Variants in COG5 observed in about 807,000 individuals in gnomAD.
COG5 encodes component of oligomeric golgi complex 5, also known as conserved oligomeric Golgi complex subunit 5.
COG5 carries 86 observed loss-of-function variants against 110.4 expected under a neutral mutation model. That is an observed-to-expected ratio of 0.78 (90% CI 0.65 to 0.93). The LOEUF (loss-of-function observed/expected upper bound fraction) is 0.93. COG5 is among the 40% of genes least tolerant of loss of function. The pLI is 0.00. For missense variants in COG5, 1,077 were observed against 987.0 expected (o/e 1.09, Z -1.22); for synonymous variants, 360 against 334.6 (o/e 1.08, Z -0.83).
At position 107,416,005 on chromosome 7, in the gene COG5, C is replaced by T. The variant is rs558457030; in HGVS notation, c.539-3373G>A. 9.8e-3 allele frequency among the ~76,000 whole-genome samples: 1,041 copies of T among 106,272 alleles called. 335 individuals are homozygous for T. Among genetic ancestry groups the T allele is most frequent in the Non-Finnish European group, 0.018 (739 of 40,984 alleles). The allele number at this position is 106,272 out of a possible 152,430, so 69.7% of individuals were successfully genotyped here. On this transcript the variant is annotated intron_variant, in intron 6 of 21. Transcript: ENST00000297135. ...ATGTATATATGTGTGTATATATACA[C>T]ACACATACACGTATGTATATATGTG...
At chr7:107,482,173 G>A (rs539742215) in intron 6 of COG5, among the ~76,000 whole-genome samples, 14 of 150,836 alleles carry the variant, frequency 9.3e-5, no homozygotes, top group African/African-American at 1.7e-4. Context: ...ACAGGGACTC[G>A]CTCTCTCACC....
At chr7:107,504,009 T>C (rs1329875570) in intron 6 of COG5, among the ~76,000 whole-genome samples, 1 of 152,146 alleles carries the variant, frequency 6.6e-6, no homozygotes, top group Non-Finnish European at 1.5e-5. Context: ...TTGCTCTGAC[T>C]AGGACTAGGA....
chr7:107,205,584 A>G (rs1008817157), intron 21 of COG5, among the ~76,000 whole-genome samples: 2 of 152,242 alleles, frequency 1.3e-5, no homozygotes, highest in African/African-American at 2.4e-5. Flanking sequence ...GGGCCTGTTT[A>G]TCTTTGGCCA....
At chr7:107,258,734 T>G (rs1803084195) in intron 14 of COG5, 1 of 199,606 alleles carries the variant, frequency 5.0e-6, no homozygotes, top group Admixed American at 5.6e-5. Flanking sequence ...AACATAGTAA[T>G]CCTAAGGAAT....
intron 6 of COG5, among the ~76,000 whole-genome samples, chr7:107,469,850 C>T (rs1796526696): frequency 6.6e-6 from 1 of 151,914 alleles, no homozygotes; most frequent in Non-Finnish European, 1.5e-5. Flanking sequence ...TTTTAAAATA[C>T]TAATTTACAC....
At chr7:107,209,636 C>CAA (rs200207817) in intron 21 of COG5, 6 of 180,500 alleles carry the variant, frequency 3.3e-5, no homozygotes, top group Non-Finnish European at 5.3e-5. Context: ...AAATGACACA[C>CAA]AAAAAAAAAT....
At chr7:107,492,204 T>TGTGTGTGTGTGTGTGTG (rs1563064575) in intron 6 of COG5, among the ~76,000 whole-genome samples, 7 of 150,620 alleles carry the variant, frequency 4.6e-5, no homozygotes, top group Non-Finnish European at 8.9e-5. Flanking sequence ...TGTGTGTGTG[T>TGTGTGTGTGTGTGTGTG]AGTTTATTTT....
intron 14 of COG5, among the ~76,000 whole-genome samples, chr7:107,268,071 C>T (rs1480013473): frequency 6.6e-6 from 1 of 152,064 alleles, no homozygotes; most frequent in East Asian, 1.9e-4. Context: ...CAGGTTCAAG[C>T]GATTCTCCTG....
chr7:107,313,396 A>G (rs1808451438), intron 11 of COG5, among the ~76,000 whole-genome samples: 1 of 152,210 alleles, frequency 6.6e-6, no homozygotes, highest in African/African-American at 2.4e-5. Flanking sequence ...TGGAAAAACT[A>G]GAACTCTCAT....
chr7:107,490,848 G>A (rs1335179160), intron 6 of COG5, among the ~76,000 whole-genome samples: 1 of 152,006 alleles, frequency 6.6e-6, no homozygotes, highest in Admixed American at 6.6e-5. Flanking sequence ...AATAGTTTAT[G>A]GCATCACTTT....
chr7:107,298,795 C>T (rs902006030), intron 11 of COG5, among the ~76,000 whole-genome samples: 3 of 152,072 alleles, frequency 2.0e-5, no homozygotes, highest in Non-Finnish European at 2.9e-5. Flanking sequence ...TCCATTAAAC[C>T]GGTCTCAATA....
At chr7:107,305,106 T>C (rs943503680) in intron 11 of COG5, among the ~76,000 whole-genome samples, 6 of 152,294 alleles carry the variant, frequency 3.9e-5, no homozygotes, top group East Asian at 3.9e-4. Context: ...TGGGAGGACC[T>C]CTCTGAATGA....
At chr7:107,504,784 C>A (rs576499547) in intron 6 of COG5, among the ~76,000 whole-genome samples, 10 of 152,230 alleles carry the variant, frequency 6.6e-5, no homozygotes, top group African/African-American at 2.4e-4. Context: ...AGTTGATATG[C>A]ATAGGGGTGT....
At chr7:107,245,450 T>C (rs546234868) in intron 17 of COG5, among the ~76,000 whole-genome samples, 1 of 152,292 alleles carries the variant, frequency 6.6e-6, no homozygotes, top group African/African-American at 2.4e-5. Context: ...GACATGATTC[T>C]ATATCTAGAA....
intron 6 of COG5, among the ~76,000 whole-genome samples, chr7:107,446,846 C>T (rs1343707297): frequency 6.6e-6 from 1 of 152,200 alleles, no homozygotes; most frequent in Non-Finnish European, 1.5e-5. Flanking sequence ...TTCTGGATTC[C>T]CACCCCTTTG....
At chr7:107,394,295 T>TAAA (rs201411444) in intron 7 of COG5, among the ~76,000 whole-genome samples, 1 of 139,848 alleles carries the variant, frequency 7.2e-6, no homozygotes, top group African/African-American at 2.6e-5. Flanking sequence ...AAAAGATACT[T>TAAA]AAAAAAAAAA....
At chr7:107,542,488 A>G (rs1357361919) in intron 5 of COG5, among the ~76,000 whole-genome samples, 1 of 152,118 alleles carries the variant, frequency 6.6e-6, no homozygotes, top group Non-Finnish European at 1.5e-5. Context: ...AAAATCAGAA[A>G]CCCTATAACC....
intron 10 of COG5, among the ~76,000 whole-genome samples, chr7:107,349,547 C>A (rs759930207): frequency 6.7e-6 from 1 of 149,112 alleles, no homozygotes; most frequent in African/African-American, 2.5e-5. Flanking sequence ...ACTACAGGCA[C>A]GTGCCATCAT....
intron 6 of COG5, among the ~76,000 whole-genome samples, chr7:107,443,329 T>C (rs574504258): frequency 6.6e-6 from 1 of 152,252 alleles, no homozygotes; most frequent in South Asian, 2.1e-4. Context: ...ATATTTGTTC[T>C]AGAATATTAG....
Sources: gnomAD v4.1 joint callset for allele counts (sites outside exome capture counted in the v4.1 genomes callset) on GRCh38, gnomAD v4.1.1 for gene constraint, MANE v1.5 for transcripts, NCBI Gene and HGNC (gene_info 2026-07-23, HGNC 2026-07-21) for gene names.